Variants in PPP1R3A observed in about 807,000 individuals in gnomAD.
The protein encoded by PPP1R3A is protein phosphatase 1 regulatory subunit 3A, also known as RG1.
A neutral mutation model predicts 41.7 loss-of-function variants in PPP1R3A; 29 were observed. The ratio of observed to expected loss-of-function variants is 0.70; its 90% CI spans 0.52 to 0.95. The LOEUF (loss-of-function observed/expected upper bound fraction) is 0.95, where lower values mean the gene tolerates loss of function less well. Ranked by LOEUF, PPP1R3A falls within the 40% of genes least tolerant of loss-of-function variation. The pLI, the probability that PPP1R3A is intolerant of heterozygous loss-of-function variation, is 0.00. For missense variants in PPP1R3A, 1,352 were observed against 1,292.4 expected, an observed-to-expected ratio of 1.05 and a Z score of -0.71; for synonymous variants, 485 against 453.4, an observed-to-expected ratio of 1.07 and a Z score of -0.89.
intron 1 of PPP1R3A, among the ~76,000 whole-genome samples, chr7:113,902,049 C>A (rs994738781): frequency 5.9e-5 from 9 of 151,790 alleles, no homozygotes; most frequent in African/African-American, 2.2e-4. Flanking sequence ...TTTTAATGAT[C>A]TTTGTTTTCT....
chr7:113,882,053 C>A lies in PPP1R3A; in HGVS notation c.952G>T (p.Glu318Ter), dbSNP rs376940578. Residue 318 changes from glutamate (E) to a stop codon, truncating the protein, a stop_gained, in exon 3 of 4, where the codon GAA becomes TAA. Coordinates refer to ENST00000284601, the MANE Select transcript of PPP1R3A (RefSeq NM_002711.4). LOFTEE classifies it low-confidence loss of function (END_TRUNC). Reference sequence around the variant, plus strand: ...AGAACACTTACCATCAACTCTAATTCTTTTTCATTATGTTCATCATGTTCC... The same window carrying A: ...AGAACACTTACCATCAACTCTAATTATTTTTCATTATGTTCATCATGTTCC... ...NREHDEHNEKELELMINQHLI... is the reference protein window; with the variant it reads ...NREHDEHNEK 8.1e-6 allele frequency: 13 copies of A among 1,612,512 alleles called. No individual in the cohort carries two copies. The highest frequency in any genetic ancestry group is 1.1e-5 in the Non-Finnish European group (13 of 1,178,972).
chr7:113,895,256 T>A (rs1337576740), intron 1 of PPP1R3A, among the ~76,000 whole-genome samples: 1 of 151,960 alleles, frequency 6.6e-6, no homozygotes, highest in Admixed American at 6.6e-5. Context: ...GTAAATCATG[T>A]GAAATGATGC....
chr7:113,878,771 T>A lies in PPP1R3A; in HGVS notation c.2321A>T (p.Asp774Val). 6.2e-7 allele frequency: 1 copy of A among 1,613,598 alleles called. No homozygotes were observed. The highest frequency in any genetic ancestry group is 8.5e-7 in the Non-Finnish European group (1 of 1,179,730). ...RPIEVKETAF[D>V]PHEGRNDDSH... is the part of the protein sequence containing the mutation. Reference sequence around the variant, plus strand: ...ATCATCATTTCTCCCTTCATGTGGATCAAACGCTGTTTCCTTTACCTCGAT... The same window carrying A: ...ATCATCATTTCTCCCTTCATGTGGAACAAACGCTGTTTCCTTTACCTCGAT... The change falls in exon 4 of 4, where the codon GAT (aspartate) becomes GTT (valine). Residue 774 changes from aspartate to valine, a missense_variant. By Grantham distance (152) the Asp-to-Val change is radical. Transcript: ENST00000284601.
chr7:113,881,619 A>T (rs768202839), intron 3 of PPP1R3A, among the ~76,000 whole-genome samples: 18 of 152,184 alleles, frequency 1.2e-4, no homozygotes, highest in Admixed American at 2.6e-4. Context: ...GGAATTTTTT[A>T]AAAAATGCTG....
chr7:113,879,967 A>T lies in PPP1R3A; in HGVS notation c.1125T>A (p.Ser375=). The stretch of plus-strand genomic sequence containing the variant: ...CGGAGCTTTCTGCTGATGAACTTGG[A>T]GACAGAGACCTTTGGAACAAGTCAG... The part of the protein sequence containing the change: ...ICTDLFQRSL[S]PSSSAESSVK... The change falls in exon 4 of 4, where the codon TCT becomes TCA. Residue 375 remains serine (S), a synonymous_variant. Coordinates refer to ENST00000284601, the MANE Select transcript of PPP1R3A (RefSeq NM_002711.4). 1 of 1,613,550 alleles carries T rather than the reference A, an allele frequency of 6.2e-7. No homozygotes were observed. Among genetic ancestry groups the T allele is most frequent in the Non-Finnish European group, 8.5e-7 (1 of 1,179,638 alleles).
At position 113,887,887 on chromosome 7, in the gene PPP1R3A, C is replaced by T. The variant is rs556183883; in HGVS notation, c.783-5567G>A. On this transcript the variant is annotated intron_variant, in intron 1 of 3. Coordinates refer to ENST00000284601, the MANE Select transcript of PPP1R3A (RefSeq NM_002711.4). The stretch of plus-strand genomic sequence containing the variant: ...TCTACTGAAAATACAAAAAATTAGC[C>T]GGGCATGGTGGCAGGCACCTGTAAT... Among the ~76,000 whole-genome samples, 9 of 152,054 alleles carry T rather than the reference C, an allele frequency of 5.9e-5. No individual in the cohort carries two copies. In the South Asian group the frequency reaches 8.3e-4, roughly 14 times the overall value.
intron 1 of PPP1R3A, among the ~76,000 whole-genome samples, chr7:113,909,511 T>C (rs1357680205): frequency 1.3e-5 from 2 of 151,892 alleles, no homozygotes; most frequent in Admixed American, 6.6e-5. Context: ...TGTTGACCAA[T>C]TGGGCTATTC....
chr7:113,905,887 G>A (rs1319689469), intron 1 of PPP1R3A, among the ~76,000 whole-genome samples: 1 of 151,794 alleles, frequency 6.6e-6, no homozygotes, highest in Non-Finnish European at 1.5e-5. Flanking sequence ...TCTACCTTTG[G>A]TCTTTTGTTA....
chr7:113,879,705 C>T lies in PPP1R3A; in HGVS notation c.1387G>A (p.Ala463Thr), dbSNP rs773186675. ...TCATGTTTTTTATTAAGGTTTCCTG[C>T]CATTAGTTGATCTGAAGAGGGGCAA... is the stretch of plus-strand genomic sequence containing the variant. ...IPCPSSDQLM[A>T]GNLNKKHEGG... Residue 463 changes from alanine to threonine, a missense_variant, in exon 4 of 4, where the codon GCA becomes ACA. Physicochemically the swap from Ala to Thr is moderately conservative, Grantham distance 58. Coordinates refer to ENST00000284601, the MANE Select transcript of PPP1R3A (RefSeq NM_002711.4). The T allele has an allele frequency of 6.2e-7, 1 of 1,613,034 alleles. No homozygotes were observed. Among genetic ancestry groups the T allele is most frequent in the Non-Finnish European group, 8.5e-7 (1 of 1,179,632 alleles).
At chr7:113,883,573 T>A (rs1181323470) in intron 1 of PPP1R3A, among the ~76,000 whole-genome samples, 1 of 151,966 alleles carries the variant, frequency 6.6e-6, no homozygotes, top group African/African-American at 2.4e-5. Context: ...AATATACTGC[T>A]TGCATAATTG....
At chr7:113,888,475 T>C (rs1796825236) in intron 1 of PPP1R3A, among the ~76,000 whole-genome samples, 1 of 152,176 alleles carries the variant, frequency 6.6e-6, no homozygotes, top group African/African-American at 2.4e-5. Context: ...TTTAATGCCC[T>C]TCTCTACCCA....
chr7:113,903,007 G>GT (rs1045500400), intron 1 of PPP1R3A, among the ~76,000 whole-genome samples: 1 of 151,722 alleles, frequency 6.6e-6, no homozygotes, highest in Non-Finnish European at 1.5e-5. Context: ...TAAGAGCATA[G>GT]TAAGAGTTTT....
At chr7:113,892,368 G>A (rs752718820) in intron 1 of PPP1R3A, among the ~76,000 whole-genome samples, 1 of 151,892 alleles carries the variant, frequency 6.6e-6, no homozygotes, top group Non-Finnish European at 1.5e-5. Context: ...AGTGTATTGT[G>A]GACTGTTTCT....
chr7:113,913,900 GCCTTTTC>G (rs1797295101), intron 1 of PPP1R3A, among the ~76,000 whole-genome samples: 1 of 152,010 alleles, frequency 6.6e-6, no homozygotes, highest in Non-Finnish European at 1.5e-5. Flanking sequence ...GCTTTTCAAG[GCCTTTTC>G]CCTTGGGGCC....
Position 113,889,685 on chromosome 7 carries a change from C to A in PPP1R3A, c.783-7365G>T, listed in dbSNP as rs8180864. On this transcript the variant is annotated intron_variant, in intron 1 of 3. Transcript: ENST00000284601. ...TCTAGTAGACATTAAATAAATATGC[C>A]CTGAACATAAGAAATGAATGTTTTC... is the stretch of plus-strand genomic sequence containing the variant. Among the ~76,000 whole-genome samples, 173 of 152,266 alleles carry A rather than the reference C, an allele frequency of 1.1e-3. 1 individual carries two copies. The highest frequency in any genetic ancestry group is 3.8e-3 in the African/African-American group (159 of 41,552).
At chr7:113,899,221 C>T (rs965364121) in intron 1 of PPP1R3A, among the ~76,000 whole-genome samples, 20 of 151,684 alleles carry the variant, frequency 1.3e-4, no homozygotes, top group African/African-American at 4.8e-4. Flanking sequence ...CATGATGTAC[C>T]CCACTTACTT....
At chr7:113,904,325 TTTC>T (rs1359106634) in intron 1 of PPP1R3A, among the ~76,000 whole-genome samples, 1 of 151,740 alleles carries the variant, frequency 6.6e-6, no homozygotes, top group Admixed American at 6.6e-5. Context: ...CTTTGACAAA[TTTC>T]TTCTTATGTG....
intron 1 of PPP1R3A, among the ~76,000 whole-genome samples, chr7:113,910,453 T>A (rs1442021148): frequency 1.3e-5 from 2 of 152,034 alleles, no homozygotes; most frequent in East Asian, 3.9e-4. Context: ...AACACAATAA[T>A]CTTATGCACC....
chr7:113,877,742 T>C lies in PPP1R3A; in HGVS notation c.3350A>G (p.Glu1117Gly), dbSNP rs760289573. ...CTGAGGTTACTTCTTTTTGACAGAC[T>C]CTTTTTGTCTACCCTCTTCCCAGGA... The part of the protein sequence containing the change: ...WLSWEEGRQK[E>G]SVKKK The change falls in exon 4 of 4, where the codon GAG (glutamate) becomes GGG (glycine). Residue 1117 changes from glutamate (E) to glycine (G), a missense_variant. Coordinates refer to ENST00000284601, the MANE Select transcript of PPP1R3A (RefSeq NM_002711.4). 6.4e-6 allele frequency: 10 copies of C among 1,557,264 alleles called. No individual in the cohort carries two copies. The highest frequency in any genetic ancestry group is 8.7e-6 in the Non-Finnish European group (10 of 1,155,920).
Sources: allele counts gnomAD v4.1 joint callset (sites outside exome capture counted in the v4.1 genomes callset), GRCh38; gene constraint gnomAD v4.1.1; transcripts MANE v1.5; gene names NCBI Gene and HGNC (gene_info 2026-07-23, HGNC 2026-07-21).